The following GPX2 variants were observed in gnomAD, a reference collection of about 807,000 sequenced individuals.
GPX2 encodes the protein gastrointestinal glutathione peroxidase.
Under a neutral mutation model 14.1 loss-of-function variants are expected in GPX2, and 21 were observed. The ratio of observed to expected loss-of-function variants is 1.48; its 90% CI spans 1.05 to 2.14. The LOEUF (loss-of-function observed/expected upper bound fraction) is 2.14, where lower values mean the gene tolerates loss of function less well. Ranked by LOEUF, GPX2 falls within the 30% of genes most tolerant of loss-of-function variation. GPX2 has a pLI of 0.00. For synonymous variants in GPX2, 94 were observed against 95.2 expected (o/e 0.99, Z 0.07); for missense variants, 241 against 249.8 (o/e 0.96, Z 0.24).
chr14:64,942,483 A>C (rs779058392), intron 1 of GPX2, 22 bp downstream of exon 1: 126 of 1,598,238 alleles, frequency 7.9e-5, no homozygotes, highest in Non-Finnish European at 1.0e-4. Flanking sequence ...CTTTTGGTGC[A>C]TTACAAGGAG....
At position 64,942,627 on chromosome 14, in the gene GPX2, C is replaced by A; in HGVS notation, c.100G>T (p.Glu34Ter). ...GTGCCTCAGAGCGAAGCCACATTCT[C>A]AATCAGCACGGCCCTGCCCCGGAAC... ...NTFRGRAVLIENVASLUGTTT... is the reference protein window; with the variant it reads ...NTFRGRAVLI The change falls in exon 1 of 2, where the codon GAG becomes TAG. Residue 34 changes from glutamate to a stop codon, truncating the protein, a stop_gained. Transcript: ENST00000389614. LOFTEE classifies it high-confidence loss of function. The A allele has an allele frequency of 6.2e-7, 1 of 1,614,188 alleles. No individual in the cohort carries two copies. Among genetic ancestry groups the A allele is most frequent in the Non-Finnish European group, 8.5e-7 (1 of 1,180,024 alleles).
Position 64,940,019 on chromosome 14 carries a change from C to A in GPX2, c.223-181G>T. The A allele has an allele frequency of 6.8e-7, 1 of 1,475,522 alleles. No homozygotes were observed. The highest frequency in any genetic ancestry group is 8.9e-7 in the Non-Finnish European group (1 of 1,121,528). The allele number at this position is 1,475,522 out of a possible 1,614,324, so 91.4% of individuals were successfully genotyped here. On this transcript the variant is annotated intron_variant, in intron 1 of 1. Coordinates refer to ENST00000389614, the MANE Select transcript of GPX2 (RefSeq NM_002083.4). This position sits in a 1 kb window ranked among gnomAD's most constrained non-coding sequence, Gnocchi z 4.5. ...GCAGCCTTGAACTTCTGGGCTCAAG[C>A]ATTCCTCCTGCTTCAGCCTCTTTAG...
chr14:64,942,309 C>G (rs972550048), intron 1 of GPX2, among the ~76,000 whole-genome samples, 196 bp downstream of exon 1: 10 of 152,008 alleles, frequency 6.6e-5, no homozygotes, highest in African/African-American at 2.4e-4. Context: ...CTATAAAAAT[C>G]ACACAGCCTC....
chr14:64,942,473 C>G (rs1270359186), intron 1 of GPX2, 32 bp downstream of exon 1: 2 of 1,567,348 alleles, frequency 1.3e-6, no homozygotes, highest in South Asian at 1.1e-5. Context: ...CAACCCAACA[C>G]TTTTGGTGCA....
chr14:64,941,750 T>C (rs957198489), intron 1 of GPX2, among the ~76,000 whole-genome samples: 1 of 152,156 alleles, frequency 6.6e-6, no homozygotes, highest in Admixed American at 6.5e-5. Context: ...GAAGAATCCC[T>C]AAAAGAGAAC....
Position 64,940,100 on chromosome 14 carries a change from T to TTTG in GPX2, c.223-263_223-262insCAA. ...CCCGGCTAATTTTTTTTTTTTTTTG[T>TTTG]AGAGATGGGGTCTCACTTTGTTGCC... On this transcript the variant is annotated intron_variant, in intron 1 of 1. Transcript: ENST00000389614. The surrounding 1 kb of genome is among the most constrained non-coding windows in gnomAD (Gnocchi z 4.5). The TTTG allele has an allele frequency of 7.4e-7, 1 of 1,352,772 alleles. No homozygotes were observed. 83.8% of individuals were successfully genotyped at this position (1,352,772 alleles called of 1,614,324 possible). A position where few individuals can be genotyped will look rare whatever the true frequency, so the allele number is the denominator to read the frequency against.
Position 64,939,680 on chromosome 14 carries a change from A to G in GPX2, c.381T>C (p.Tyr127=). Residue 127 remains tyrosine, a synonymous_variant, in exon 2 of 2, where the codon TAT becomes TAC. Transcript: ENST00000389614. This position sits in a 1 kb window ranked among gnomAD's most constrained non-coding sequence, Gnocchi z 5.7. ...CGGTCATGAGGGAAAATGGGTCATC[A>G]TAAGGGTAGGGGAGCTTGTCCTTCA... ...AYLKDKLPYP[Y]DDPFSLMTDP... 5.0e-6 allele frequency: 8 copies of G among 1,614,160 alleles called. No individual in the cohort carries two copies. Among genetic ancestry groups the G allele is most frequent in the Non-Finnish European group, 6.8e-6 (8 of 1,180,022 alleles).
chr14:64,940,138 G>C lies in GPX2; in HGVS notation c.223-300C>G, dbSNP rs1349021122. On this transcript the variant is annotated intron_variant, in intron 1 of 1. Transcript: ENST00000389614. This position sits in a 1 kb window ranked among gnomAD's most constrained non-coding sequence, Gnocchi z 4.5. Reference sequence around the variant, plus strand: ...TCACTTTGTTGCCCATGCTTTGGCTGCTCTTCAAGATTTAGCACTTCTGAG... The same window carrying C: ...TCACTTTGTTGCCCATGCTTTGGCTCCTCTTCAAGATTTAGCACTTCTGAG... 7.3e-7 allele frequency: 1 copy of C among 1,371,624 alleles called. No individual in the cohort carries two copies. The highest frequency in any genetic ancestry group is 1.2e-5 in the South Asian group (1 of 81,640). 85.0% of individuals were successfully genotyped at this position (1,371,624 alleles called of 1,614,324 possible).
In GPX2 at chr14:64,939,518, G is replaced by A. The variant is rs552014135; in HGVS notation, c.543C>T (p.Asp181=). The A allele has an allele frequency of 2.5e-6, 4 of 1,614,146 alleles. No individual in the cohort carries two copies. The South Asian group carries it at 3.3e-5, about 13-fold the overall frequency. The change falls in exon 2 of 2, where the codon GAC becomes GAT. Residue 181 remains aspartate (D), a synonymous_variant. Transcript: ENST00000389614. The surrounding 1 kb of genome is among the most constrained non-coding windows in gnomAD (Gnocchi z 5.7). The stretch of plus-strand genomic sequence containing the variant: ...TGGCAACTTTAAGGAGGCGCTTGAT[G>A]TCAGGCTCAATGTTGATGGTTGGGA... ...RTFPTINIEP[D]IKRLLKVAI
chr14:64,941,259 G>C (rs892978893), intron 1 of GPX2: 1 of 788,864 alleles, frequency 1.3e-6, no homozygotes, highest in Admixed American at 4.8e-5. Context: ...GTAGAAACAA[G>C]GTTTCACCAT....
chr14:64,941,988 C>G (rs1885667662), intron 1 of GPX2, among the ~76,000 whole-genome samples: 1 of 152,200 alleles, frequency 6.6e-6, no homozygotes, highest in Non-Finnish European at 1.5e-5. Context: ...ATCCTGTCCC[C>G]TAAACATCAT....
At chr14:64,942,041 TGAG>T (rs1885673306) in intron 1 of GPX2, among the ~76,000 whole-genome samples, 2 of 152,182 alleles carry the variant, frequency 1.3e-5, no homozygotes, top group Non-Finnish European at 1.5e-5. Context: ...AATTTACAGA[TGAG>T]GAAACTAAAC....
chr14:64,941,253 A>G (rs933025541), intron 1 of GPX2: 2 of 753,182 alleles, frequency 2.7e-6, no homozygotes, highest in East Asian at 2.1e-4. Context: ...TTTTTTGTAG[A>G]AACAAGGTTT....
intron 1 of GPX2, among the ~76,000 whole-genome samples, chr14:64,941,131 A>G (rs1300292423): frequency 6.6e-6 from 1 of 152,094 alleles, no homozygotes; most frequent in Admixed American, 6.5e-5. Context: ...CGGTGGCACA[A>G]TCATAGCTCA....
Position 64,939,740 on chromosome 14 carries a change from C to G in GPX2, c.321G>C (p.Val107=), listed in dbSNP as rs1464673331. ...AGACAGGATGCTCGTTCTGCCCATT[C>G]ACCTCACATTTTTGGACAAGGGTGA... ...PTFTLVQKCE[V]NGQNEHPVFA... is the part of the protein sequence containing the mutation. Residue 107 remains valine, a synonymous_variant, in exon 2 of 2, where the codon GTG becomes GTC. Coordinates refer to ENST00000389614, the MANE Select transcript of GPX2 (RefSeq NM_002083.4). The surrounding 1 kb of genome is among the most constrained non-coding windows in gnomAD (Gnocchi z 5.7). 3 of 1,614,016 alleles carry G rather than the reference C, an allele frequency of 1.9e-6. No homozygotes were observed. The highest frequency in any genetic ancestry group is 2.7e-5 in the African/African-American group (2 of 74,888).
At position 64,942,613 on chromosome 14, in the gene GPX2, C is replaced by T. The variant is rs1013786190; in HGVS notation, c.114G>A (p.Ser38=). The T allele has an allele frequency of 1.2e-5, 20 of 1,614,222 alleles. No individual in the cohort carries two copies. The highest frequency in any genetic ancestry group is 7.7e-5 in the South Asian group (7 of 91,084). Residue 38 remains serine (S), a synonymous_variant, in exon 1 of 2, where the codon TCG becomes TCA. Coordinates refer to ENST00000389614, the MANE Select transcript of GPX2 (RefSeq NM_002083.4). ...AGTCCCGGGTGGTTGTGCCTCAGAG[C>T]GAAGCCACATTCTCAATCAGCACGG... ...GRAVLIENVA[S]LUGTTTRDFT...
In GPX2 at chr14:64,939,511, G is replaced by C; in HGVS notation, c.550C>G (p.Arg184Gly). The C allele has an allele frequency of 6.2e-7, 1 of 1,614,028 alleles. No homozygotes were observed. Among genetic ancestry groups the C allele is most frequent in the South Asian group, 1.1e-5 (1 of 91,074 alleles). The change falls in exon 2 of 2, where the codon CGC becomes GGC. Residue 184 changes from arginine (R) to glycine (G), a missense_variant. Physicochemically the swap from Arg to Gly is moderately radical, Grantham distance 125. Coordinates refer to ENST00000389614, the MANE Select transcript of GPX2 (RefSeq NM_002083.4). The surrounding 1 kb of genome is among the most constrained non-coding windows in gnomAD (Gnocchi z 5.7). ...ATCTATATGGCAACTTTAAGGAGGC[G>C]CTTGATGTCAGGCTCAATGTTGATG... The part of the protein sequence containing the change: ...PTINIEPDIK[R>G]LLKVAI
chr14:64,942,581 T>C lies in GPX2; in HGVS notation c.146A>G (p.Gln49Arg). 4.3e-6 allele frequency: 7 copies of C among 1,614,180 alleles called. No homozygotes were observed. Among genetic ancestry groups the C allele is most frequent in the Non-Finnish European group, 5.1e-6 (6 of 1,180,036 alleles). ...LUGTTTRDFT[Q>R]LNELQCRFPR... ...AAAGCGGCATTGCAGCTCGTTGAGC[T>C]GGGTGAAGTCCCGGGTGGTTGTGCC... is the stretch of plus-strand genomic sequence containing the variant. The change falls in exon 1 of 2, where the codon CAG becomes CGG. Residue 49 changes from glutamine to arginine, a missense_variant. Transcript: ENST00000389614.
chr14:64,942,434 C>T, intron 1 of GPX2, 71 bp downstream of exon 1: 13 of 1,219,674 alleles, frequency 1.1e-5, no homozygotes, highest in Non-Finnish European at 1.6e-5. Flanking sequence ...GGTCATTCAG[C>T]CTCTCCTTTT....
Sources: allele counts gnomAD v4.1 joint callset (sites outside exome capture counted in the v4.1 genomes callset), GRCh38; gene constraint gnomAD v4.1.1; non-coding constraint Gnocchi (gnomAD v3.1); transcripts MANE v1.5; gene names NCBI Gene and HGNC (gene_info 2026-07-23, HGNC 2026-07-21).